DNAJC15: variants seen among roughly 807,000 people sequenced by gnomAD.
The protein encoded by DNAJC15 is DnaJ heat shock protein family (Hsp40) member C15.
In DNAJC15, 27 loss-of-function variants were observed where a neutral mutation model predicts 22.4. That is an observed-to-expected ratio of 1.20 (90% confidence interval 0.89 to 1.66). DNAJC15 has a LOEUF of 1.66. Among genes scored for constraint, DNAJC15 ranks in the 40% most tolerant of loss-of-function variants. The pLI, the probability that DNAJC15 is intolerant of heterozygous loss-of-function variation, is 0.00. For synonymous variants in DNAJC15, 79 were observed against 63.2 expected (o/e 1.25, Z -1.19); for missense variants, 208 against 187.1 (o/e 1.11, Z -0.65).
chr13:43,079,603 C>G (rs1339423921), intron 4 of DNAJC15, among the ~76,000 whole-genome samples: 2 of 152,098 alleles, frequency 1.3e-5, no homozygotes, highest in Non-Finnish European at 2.9e-5. Context: ...GTTTGCTATA[C>G]TGCCAACTAT....
At chr13:43,094,219 C>T (rs866672573) in intron 5 of DNAJC15, among the ~76,000 whole-genome samples, 5 of 151,064 alleles carry the variant, frequency 3.3e-5, no homozygotes, top group African/African-American at 1.2e-4. Flanking sequence ...GATTTTGTAA[C>T]GTCATTCATT....
intron 3 of DNAJC15, among the ~76,000 whole-genome samples, chr13:43,073,685 C>T (rs1057379100): frequency 1.3e-5 from 2 of 151,974 alleles, no homozygotes; most frequent in African/African-American, 4.8e-5. Flanking sequence ...GCAAATTTTA[C>T]CTAGGATTTC....
At chr13:43,024,293 A>G (rs2040368192) in intron 1 of DNAJC15, among the ~76,000 whole-genome samples, 1 of 150,646 alleles carries the variant, frequency 6.6e-6, no homozygotes, top group Non-Finnish European at 1.5e-5. Context: ...CTAACAGAAA[A>G]CTGTCCAACA....
At chr13:43,058,743 C>T (rs2040543093) in intron 1 of DNAJC15, among the ~76,000 whole-genome samples, 1 of 152,196 alleles carries the variant, frequency 6.6e-6, no homozygotes, top group African/African-American at 2.4e-5. Flanking sequence ...TGGCAACCCT[C>T]CCGAAGGACC....
At chr13:43,099,817 G>T (rs2040758641) in intron 5 of DNAJC15, among the ~76,000 whole-genome samples, 1 of 152,004 alleles carries the variant, frequency 6.6e-6, no homozygotes, top group African/African-American at 2.4e-5. Flanking sequence ...CTTTTTATAT[G>T]TTGCTGGGTT....
Position 43,108,480 on chromosome 13 carries a change from A to G in DNAJC15, c.*1232A>G, listed in dbSNP as rs896143054. The G allele has an allele frequency of 1.3e-5, 2 of 152,204 alleles. No individual in the cohort carries two copies. The highest frequency in any genetic ancestry group is 4.8e-5 in the African/African-American group (2 of 41,456). 9.4% of individuals were successfully genotyped at this position (152,204 alleles called of 1,614,324 possible). The stretch of plus-strand genomic sequence containing the variant: ...GCATTGTTTCCCAGTATTCCTTTAC[A>G]AATCTTGGGTTCATTCCAGGTAAAC... On this transcript the variant is annotated 3_prime_UTR_variant, in exon 6 of 6. Transcript: ENST00000379221.
intron 5 of DNAJC15, among the ~76,000 whole-genome samples, chr13:43,106,399 T>C (rs1755937669): frequency 6.6e-6 from 1 of 152,154 alleles, no homozygotes; most frequent in Non-Finnish European, 1.5e-5. Context: ...GTAGGTTCTG[T>C]TTGTGATTTA....
In DNAJC15 at chr13:43,111,803, T is replaced by C. The variant is rs577938958; in HGVS notation, c.*4555T>C. The C allele has an allele frequency of 9.3e-4, 141 of 152,362 alleles. 1 individual carries two copies. The highest frequency in any genetic ancestry group is 3.3e-3 in the African/African-American group (137 of 41,584). 9.4% of individuals were successfully genotyped at this position (152,362 alleles called of 1,614,324 possible). ...ATGGGAATGAGTAAATGTGTCAGCA[T>C]AGTCCGTCCCTTCTAATGGAAAAGC... On this transcript the variant is annotated 3_prime_UTR_variant, in exon 6 of 6. Coordinates refer to ENST00000379221, the MANE Select transcript of DNAJC15 (RefSeq NM_013238.3).
intron 5 of DNAJC15, among the ~76,000 whole-genome samples, chr13:43,088,839 GTT>G (rs5803164): frequency 0.029 from 4,174 of 144,152 alleles, 140 homozygotes; most frequent in East Asian, 0.11. Flanking sequence ...AATTAACTTG[GTT>G]TTTTTTTTTT....
intron 1 of DNAJC15, among the ~76,000 whole-genome samples, chr13:43,038,252 A>G (rs1035006406): frequency 6.6e-6 from 1 of 152,212 alleles, no homozygotes; most frequent in African/African-American, 2.4e-5. Context: ...CATTGTCCCA[A>G]TTTGCATTCC....
intron 5 of DNAJC15, among the ~76,000 whole-genome samples, chr13:43,089,880 T>C (rs978050624): frequency 6.6e-6 from 1 of 152,230 alleles, no homozygotes; most frequent in Non-Finnish European, 1.5e-5. Flanking sequence ...CATAACTATA[T>C]TCCTTTTTCA....
At chr13:43,054,553 G>GT (rs901729090) in intron 1 of DNAJC15, among the ~76,000 whole-genome samples, 1 of 151,966 alleles carries the variant, frequency 6.6e-6, no homozygotes, top group African/African-American at 2.4e-5. Context: ...TTTGTTGACA[G>GT]TTTTTTTGAT....
chr13:43,024,798 G>A (rs1181619003), intron 1 of DNAJC15, among the ~76,000 whole-genome samples: 1 of 150,812 alleles, frequency 6.6e-6, no homozygotes, highest in African/African-American at 2.4e-5. Flanking sequence ...GTTTAGGCTT[G>A]TAATCCCAGC....
chr13:43,058,115 A>C (rs1273382448), intron 1 of DNAJC15, among the ~76,000 whole-genome samples: 1 of 152,158 alleles, frequency 6.6e-6, no homozygotes, highest in Non-Finnish European at 1.5e-5. Flanking sequence ...ACCTCTGGTT[A>C]GCCAGGATGC....
chr13:43,035,883 G>T (rs2040426610), intron 1 of DNAJC15, among the ~76,000 whole-genome samples: 1 of 151,700 alleles, frequency 6.6e-6, no homozygotes, highest in Non-Finnish European at 1.5e-5. Context: ...ATCATGCCTG[G>T]CTAAATTTTT....
At chr13:43,036,917 G>A (rs1049986414) in intron 1 of DNAJC15, among the ~76,000 whole-genome samples, 9 of 152,264 alleles carry the variant, frequency 5.9e-5, no homozygotes, top group African/African-American at 2.2e-4. Context: ...TGAGTCGGGA[G>A]AGGCCAGGCA....
Position 43,023,719 on chromosome 13 carries a change from C to A in DNAJC15, c.93C>A (p.Val31=). The part of the protein sequence containing the change: ...QPSAKRPDAD[V]DQQRLVRSLI... ...CGGCCAAACGGCCAGACGCCGACGTCGACCAGCAGAGACTGGTGAGTCCTG... is the reference window on the plus strand; with the variant it reads ...CGGCCAAACGGCCAGACGCCGACGTAGACCAGCAGAGACTGGTGAGTCCTG... Residue 31 remains valine (V), a synonymous_variant, in exon 1 of 6, where the codon GTC becomes GTA. Transcript: ENST00000379221. 1 of 1,610,352 alleles carries A rather than the reference C, an allele frequency of 6.2e-7. No individual in the cohort carries two copies. The highest frequency in any genetic ancestry group is 8.5e-7 in the Non-Finnish European group (1 of 1,178,638).
intron 4 of DNAJC15, among the ~76,000 whole-genome samples, chr13:43,082,421 G>A (rs962168108): frequency 6.6e-6 from 1 of 152,030 alleles, no homozygotes; most frequent in Non-Finnish European, 1.5e-5. Flanking sequence ...CAACAAACAT[G>A]TATTAATATT....
intron 1 of DNAJC15, among the ~76,000 whole-genome samples, chr13:43,032,472 A>C (rs2040408238): frequency 6.6e-6 from 1 of 152,204 alleles, no homozygotes; most frequent in African/African-American, 2.4e-5. Flanking sequence ...TATTTTGTGG[A>C]ATTCCATTTA....
Sources: allele counts gnomAD v4.1 joint callset (sites outside exome capture counted in the v4.1 genomes callset), GRCh38; gene constraint gnomAD v4.1.1; transcripts MANE v1.5; gene names NCBI Gene and HGNC (gene_info 2026-07-23, HGNC 2026-07-21).